The following CEMIP2 variants were observed in gnomAD, a reference collection of about 807,000 sequenced individuals.
CEMIP2 encodes the protein cell surface hyaluronidase CEMIP2.
Under a neutral mutation model 146.9 loss-of-function variants are expected in CEMIP2, and 79 were observed. That is an observed-to-expected ratio of 0.54 (90% CI 0.45 to 0.65). The LOEUF (loss-of-function observed/expected upper bound fraction) is 0.65. CEMIP2 is among the 30% of genes least tolerant of loss of function. The pLI, the probability that CEMIP2 is intolerant of heterozygous loss-of-function variation, is 0.00. For missense variants in CEMIP2, 1,596 were observed against 1,696.2 expected, an observed-to-expected ratio of 0.94 and a Z score of 1.04; for synonymous variants, 601 against 606.3, an observed-to-expected ratio of 0.99 and a Z score of 0.13.
At position 71,693,512 on chromosome 9, in the gene CEMIP2, C is replaced by T. The variant is rs947597948; in HGVS notation, c.3696+997G>A. ...AAGAGGCAACCTTAAAATAAAAGGC[C>T]GAAGAGATGTTAAAACTTTCATTTC... On this transcript the variant is annotated intron_variant, in intron 21 of 23. Transcript: ENST00000377044. Among the ~76,000 whole-genome samples the T allele has an allele frequency of 5.9e-5, 9 of 152,120 alleles. 1 individual carries two copies. Among genetic ancestry groups the T allele is most frequent in the Non-Finnish European group, 1.0e-4 (7 of 68,030 alleles).
intron 1 of CEMIP2, among the ~76,000 whole-genome samples, chr9:71,763,833 T>A (rs1824708501): frequency 6.6e-6 from 1 of 152,244 alleles, no homozygotes; most frequent in Non-Finnish European, 1.5e-5. Context: ...TCACTTTTTT[T>A]AAAGACATTT....
intron 18 of CEMIP2, among the ~76,000 whole-genome samples, chr9:71,701,294 C>G (rs1344948968): frequency 6.6e-6 from 1 of 152,060 alleles, no homozygotes; most frequent in African/African-American, 2.4e-5. Flanking sequence ...TTAGTAGAGA[C>G]AGGGTTTCAC....
At chr9:71,742,703 C>T (rs1222458962) in intron 4 of CEMIP2, among the ~76,000 whole-genome samples, 1 of 152,130 alleles carries the variant, frequency 6.6e-6, no homozygotes, top group Non-Finnish European at 1.5e-5. Flanking sequence ...TAATCCCTGG[C>T]ATTACTGGAT....
intron 10 of CEMIP2, among the ~76,000 whole-genome samples, chr9:71,729,197 G>A (rs1276719594): frequency 2.0e-5 from 3 of 151,914 alleles, no homozygotes; most frequent in Admixed American, 6.6e-5. Context: ...GGCCACATAT[G>A]ACTTAAATAT....
chr9:71,698,186 G>C lies in CEMIP2; in HGVS notation c.3396C>G (p.Leu1132=). The change falls in exon 20 of 24, where the codon CTC becomes CTG. Residue 1132 remains leucine, a synonymous_variant. Coordinates refer to ENST00000377044, the MANE Select transcript of CEMIP2 (RefSeq NM_013390.3). ...DSSTGLLFLY[L]KAKSHRHGHS... is the part of the protein sequence containing the mutation. The stretch of plus-strand genomic sequence containing the variant: ...GGCCATGCCTGTGGCTTTTGGCTTT[G>C]AGATACAAAAACAGTAACCTGCACA... The C allele has an allele frequency of 6.2e-7, 1 of 1,614,066 alleles. No individual in the cohort carries two copies. Among genetic ancestry groups the C allele is most frequent in the East Asian group, 2.2e-5 (1 of 44,884 alleles).
At chr9:71,743,131 A>G (rs1823970757) in intron 4 of CEMIP2, among the ~76,000 whole-genome samples, 1 of 152,120 alleles carries the variant, frequency 6.6e-6, no homozygotes, top group Non-Finnish European at 1.5e-5. Context: ...TCAATAACAT[A>G]ACACTGTGCA....
rs1589157426 is a variant in CEMIP2 at position 71,740,287 on chromosome 9, C to A, written c.1035-55G>T. ...TTACTTGTCATGGTATTCACAAAAT[C>A]CCTGACAAAGATGTTATTACAGAGT... On this transcript the variant is annotated intron_variant, in intron 4 of 23. Coordinates refer to ENST00000377044, the MANE Select transcript of CEMIP2 (RefSeq NM_013390.3). The A allele has an allele frequency of 1.8e-5, 28 of 1,584,722 alleles. No individual in the cohort carries two copies. The East Asian group carries it at 6.3e-4, about 35-fold the overall frequency.
At chr9:71,703,265 G>A (rs931361909) in intron 18 of CEMIP2, among the ~76,000 whole-genome samples, 1 of 152,212 alleles carries the variant, frequency 6.6e-6, no homozygotes, top group Non-Finnish European at 1.5e-5. Context: ...AAGATGGAGT[G>A]ATGAGGGAAA....
At position 71,745,349 on chromosome 9, in the gene CEMIP2, C is replaced by G; in HGVS notation, c.703G>C (p.Ala235Pro). 1 of 1,613,710 alleles carries G rather than the reference C, an allele frequency of 6.2e-7. No homozygotes were observed. ...AACAACGTCCACGATGCCTTCCGTG[C>G]CCCATGTAACTCCAGTGTCCCGCCA... The part of the protein sequence containing the change: ...EAGGTLELHG[A>P]RKASWTLLAR... Residue 235 changes from alanine to proline, a missense_variant, in exon 4 of 24, where the codon GCA (alanine) becomes CCA (proline). By Grantham distance (27) the Ala-to-Pro change is conservative. Transcript: ENST00000377044.
intron 10 of CEMIP2, among the ~76,000 whole-genome samples, chr9:71,728,319 G>GTATATATATA (rs371027741): frequency 6.1e-5 from 2 of 32,970 alleles, no homozygotes; most frequent in African/African-American, 1.6e-4. Flanking sequence ...ATATATATAC[G>GTATATATATA]TATATATATA....
At chr9:71,715,238 T>G in intron 14 of CEMIP2, 149 bp from the exon 15 acceptor site, 1 of 12,346 alleles carries the variant, frequency 8.1e-5, no homozygotes, top group East Asian at 1.5e-3. Flanking sequence ...CAGAAACTGC[T>G]TTTTTTTTTT....
At chr9:71,691,117 T>A (rs553479900) in intron 21 of CEMIP2, among the ~76,000 whole-genome samples, 1 of 152,350 alleles carries the variant, frequency 6.6e-6, no homozygotes, top group Non-Finnish European at 1.5e-5. Context: ...TCACTTTTGA[T>A]CTCACTGGTA....
Position 71,745,426 on chromosome 9 carries a change from T to A in CEMIP2, c.626A>T (p.Asp209Val). The stretch of plus-strand genomic sequence containing the variant: ...AAATGTTGGCATACTTTCACCTTCA[T>A]CTGACTTGCCATACAAGGTAATTGT... ...KATITLYGKS[D>V]EGESMPTFGK... Residue 209 changes from aspartate (D) to valine (V), a missense_variant, in exon 4 of 24, where the codon GAT (aspartate) becomes GTT (valine). By Grantham distance (152) the Asp-to-Val change is radical. Coordinates refer to ENST00000377044, the MANE Select transcript of CEMIP2 (RefSeq NM_013390.3). 6.2e-7 allele frequency: 1 copy of A among 1,614,136 alleles called. No homozygotes were observed. The highest frequency in any genetic ancestry group is 2.2e-5 in the East Asian group (1 of 44,888).
At chr9:71,759,638 T>C (rs764714058) in intron 1 of CEMIP2, among the ~76,000 whole-genome samples, 82 of 152,202 alleles carry the variant, frequency 5.4e-4, no homozygotes, top group Non-Finnish European at 9.7e-4. Flanking sequence ...GGGAGAATGA[T>C]TGGATGGGGA....
intron 11 of CEMIP2, among the ~76,000 whole-genome samples, chr9:71,725,272 C>T (rs532006407): frequency 6.6e-6 from 1 of 152,162 alleles, no homozygotes; most frequent in South Asian, 2.1e-4. Flanking sequence ...ACGGATTCGC[C>T]CTCTTGAATG....
chr9:71,732,748 C>T (rs187087237), intron 6 of CEMIP2, among the ~76,000 whole-genome samples: 1 of 122,464 alleles, frequency 8.2e-6, no homozygotes, highest in Non-Finnish European at 1.6e-5. Context: ...ACTCTGTCCC[C>T]CAGGCTGGAG....
intron 8 of CEMIP2, among the ~76,000 whole-genome samples, 196 bp from the exon 9 acceptor site, chr9:71,730,449 A>G (rs1300877647): frequency 6.6e-6 from 1 of 152,178 alleles, no homozygotes; most frequent in African/African-American, 2.4e-5. Flanking sequence ...GGGGAAAAAA[A>G]TAAAAATAAG....
At chr9:71,769,135 C>T (rs17522819), upstream of CEMIP2, among the ~76,000 whole-genome samples, 94,266 of 151,978 alleles carry the variant, frequency 0.62, 31,328 homozygotes, top group Non-Finnish European at 0.75. Flanking sequence ...TCCTACCCTT[C>T]CTGGGCGCGC....
intron 22 of CEMIP2, among the ~76,000 whole-genome samples, chr9:71,687,983 AGTAGGTGAGACTACAGGTAT>A (rs1822118210): frequency 6.6e-6 from 1 of 152,192 alleles, no homozygotes; most frequent in Admixed American, 6.5e-5. Context: ...TAGCCTCCTC[AGTAGGTGAGACTACAGGTAT>A]GTGCCCACAT....
Sources: gnomAD v4.1 joint callset for allele counts (sites outside exome capture counted in the v4.1 genomes callset) on GRCh38, gnomAD v4.1.1 for gene constraint, MANE v1.5 for transcripts, NCBI Gene and HGNC (gene_info 2026-07-23, HGNC 2026-07-21) for gene names.